The following CCDC7 variants were observed in gnomAD, a reference collection of about 807,000 sequenced individuals.
CCDC7 encodes the protein coiled-coil domain containing 7.
In CCDC7, 183 loss-of-function variants were observed where a neutral mutation model predicts 196.9. The ratio of observed to expected loss-of-function variants is 0.93; its 90% CI spans 0.82 to 1.05. The LOEUF (loss-of-function observed/expected upper bound fraction) is 1.05. Among genes scored for constraint, CCDC7 ranks in the 50% least tolerant of loss-of-function variants. The pLI is 0.00. For synonymous variants in CCDC7, 525 were observed against 484.6 expected, an observed-to-expected ratio of 1.08 and a Z score of -1.10; for missense variants, 1,540 against 1,482.2, an observed-to-expected ratio of 1.04 and a Z score of -0.64.
At chr10:32,557,697 T>C (rs1385118445) in intron 13 of CCDC7, among the ~76,000 whole-genome samples, 1 of 151,118 alleles carries the variant, frequency 6.6e-6, no homozygotes, top group African/African-American at 2.4e-5. Context: ...ATTTGACTAT[T>C]TTTTTTTTAA....
At chr10:32,581,694 A>G (rs879823206) in intron 16 of CCDC7, among the ~76,000 whole-genome samples, 15 of 152,180 alleles carry the variant, frequency 9.9e-5, no homozygotes, top group Non-Finnish European at 2.2e-4. Flanking sequence ...TGTACAGTAT[A>G]TTAGCATTTA....
chr10:32,532,665 G>A (rs1042315626), intron 11 of CCDC7, among the ~76,000 whole-genome samples: 4 of 152,084 alleles, frequency 2.6e-5, no homozygotes, highest in African/African-American at 9.7e-5. Context: ...TCTGTTGTTG[G>A]ATGCACAGAT....
At chr10:32,681,370 A>G (rs767392354) in intron 21 of CCDC7, among the ~76,000 whole-genome samples, 2 of 152,022 alleles carry the variant, frequency 1.3e-5, no homozygotes, top group South Asian at 4.1e-4. Context: ...ACTACTTCAC[A>G]CCATAGGTGG....
At chr10:32,517,032 A>G (rs1411012692) in intron 9 of CCDC7, among the ~76,000 whole-genome samples, 1 of 152,216 alleles carries the variant, frequency 6.6e-6, no homozygotes, top group Non-Finnish European at 1.5e-5. Context: ...GTCTATCCAT[A>G]CTGTGGAACA....
At chr10:32,469,189 A>G (rs1266539835) in intron 5 of CCDC7, among the ~76,000 whole-genome samples, 1 of 152,258 alleles carries the variant, frequency 6.6e-6, no homozygotes, top group Non-Finnish European at 1.5e-5. Flanking sequence ...GACAAAAACC[A>G]CACAGTAATT....
At chr10:32,461,205 A>G (rs1311488065) in intron 3 of CCDC7, among the ~76,000 whole-genome samples, 2 of 152,170 alleles carry the variant, frequency 1.3e-5, no homozygotes, top group Non-Finnish European at 2.9e-5. Context: ...TAAACCCATC[A>G]TAAGTTGAAT....
At chr10:32,668,582 G>T (rs1014338761) in intron 21 of CCDC7, among the ~76,000 whole-genome samples, 1 of 152,082 alleles carries the variant, frequency 6.6e-6, no homozygotes, top group Non-Finnish European at 1.5e-5. Flanking sequence ...TAGCATGAAG[G>T]GCTGTTGAAT....
intron 20 of CCDC7, among the ~76,000 whole-genome samples, chr10:32,649,594 A>T (rs2068367253): frequency 6.6e-6 from 1 of 152,186 alleles, no homozygotes; most frequent in African/African-American, 2.4e-5. Context: ...ATATTTGTGG[A>T]CTATATCCTC....
intron 25 of CCDC7, among the ~76,000 whole-genome samples, chr10:32,714,007 A>G (rs1402211423): frequency 1.3e-5 from 2 of 152,224 alleles, no homozygotes; most frequent in Non-Finnish European, 2.9e-5. Flanking sequence ...CCAAGGGACT[A>G]TCAGCGTGGC....
chr10:32,696,199 G>C (rs1457147003), intron 24 of CCDC7, among the ~76,000 whole-genome samples: 1 of 152,084 alleles, frequency 6.6e-6, no homozygotes, highest in Admixed American at 6.5e-5. Context: ...TCAGTAATGG[G>C]TTCCATAATG....
chr10:32,728,631 G>A (rs1294872854), intron 26 of CCDC7, among the ~76,000 whole-genome samples: 1 of 152,064 alleles, frequency 6.6e-6, no homozygotes, highest in Non-Finnish European at 1.5e-5. Context: ...CATGTATTAT[G>A]TAAGTATTTT....
At chr10:32,826,412 T>C (rs2091122092) in intron 32 of CCDC7, among the ~76,000 whole-genome samples, 1 of 152,208 alleles carries the variant, frequency 6.6e-6, no homozygotes, top group Non-Finnish European at 1.5e-5. Flanking sequence ...CTATGGGTCA[T>C]CAAGTCACCA....
intron 29 of CCDC7, among the ~76,000 whole-genome samples, chr10:32,787,754 A>C (rs1175285174): frequency 2.0e-5 from 3 of 152,098 alleles, no homozygotes; most frequent in Non-Finnish European, 4.4e-5. Flanking sequence ...CTGCAAATGC[A>C]GTCTCCAGTT....
chr10:32,518,598 A>G (rs1721370761), intron 11 of CCDC7, 93 bp downstream of exon 12: 1 of 968,486 alleles, frequency 1.0e-6, no homozygotes. Flanking sequence ...ATGTTATATA[A>G]TATGTTTTTA....
chr10:32,580,582 C>T (rs2058644211), intron 16 of CCDC7, among the ~76,000 whole-genome samples: 1 of 151,994 alleles, frequency 6.6e-6, no homozygotes, highest in Admixed American at 6.6e-5. Context: ...TACTGTATTA[C>T]AAACTTCGGG....
intron 31 of CCDC7, among the ~76,000 whole-genome samples, chr10:32,816,461 C>T (rs1281093983): frequency 1.3e-5 from 2 of 152,218 alleles, no homozygotes; most frequent in Admixed American, 1.3e-4. Context: ...ACTTAAATGT[C>T]CCTGTCTGAC....
intron 8 of CCDC7, among the ~76,000 whole-genome samples, chr10:32,489,957 A>G (rs1484990469): frequency 1.3e-5 from 2 of 151,698 alleles, no homozygotes; most frequent in Non-Finnish European, 2.9e-5. Flanking sequence ...ATGGAGCAAC[A>G]TTTCTCTTAT....
At chr10:32,557,447 C>G (rs957866115) in intron 13 of CCDC7, among the ~76,000 whole-genome samples, 2 of 151,884 alleles carry the variant, frequency 1.3e-5, no homozygotes, top group African/African-American at 2.4e-5. Context: ...CTACCACTTC[C>G]TCTCTCTCTT....
chr10:32,472,379 A>G (rs1588918357), intron 6 of CCDC7, 102 bp from the exon 8 acceptor site: 1 of 1,055,460 alleles, frequency 9.5e-7, no homozygotes, highest in East Asian at 3.1e-5. Context: ...TTTATTCTAC[A>G]AACTTCATAT....
Sources: gnomAD v4.1 joint callset for allele counts (sites outside exome capture counted in the v4.1 genomes callset) on GRCh38, gnomAD v4.1.1 for gene constraint, MANE v1.5 for transcripts, NCBI Gene and HGNC (gene_info 2026-07-23, HGNC 2026-07-21) for gene names.